ANKS1B: variants seen among roughly 807,000 people sequenced by gnomAD.
The protein encoded by ANKS1B is ankyrin repeat and sterile alpha motif domain-containing protein 1B.
A neutral mutation model predicts 148.3 loss-of-function variants in ANKS1B; 36 were observed. The ratio of observed to expected loss-of-function variants is 0.24; its 90% CI spans 0.19 to 0.32. The LOEUF is 0.32. ANKS1B is among the 10% of genes least tolerant of loss of function. The probability of loss-of-function intolerance (pLI) is 1.00; values close to 1 mark genes in which losing one functional copy is unlikely to be tolerated. For synonymous variants in ANKS1B, 542 were observed against 560.8 expected (o/e 0.97, Z 0.47); for missense variants, 1,157 against 1,542.6 (o/e 0.75, Z 4.19).
At chr12:99,919,338 T>C (rs941141805) in intron 1 of ANKS1B, among the ~76,000 whole-genome samples, 1 of 152,180 alleles carries the variant, frequency 6.6e-6, no homozygotes, top group Middle Eastern at 3.2e-3. Context: ...GCAAAGTGCC[T>C]AGTGTACCAT....
intron 12 of ANKS1B, among the ~76,000 whole-genome samples, chr12:99,323,951 G>A (rs183568921): frequency 6.6e-6 from 1 of 151,982 alleles, no homozygotes; most frequent in East Asian, 1.9e-4. Flanking sequence ...TGTTTTTTGA[G>A]GGCGATGTAC....
chr12:98,999,306 G>A (rs1262498508), intron 17 of ANKS1B, among the ~76,000 whole-genome samples: 1 of 152,216 alleles, frequency 6.6e-6, no homozygotes, highest in Non-Finnish European at 1.5e-5. Flanking sequence ...CTTGACCTTT[G>A]TATTCAATAT....
chr12:99,636,556 G>C (rs561005669), intron 9 of ANKS1B, among the ~76,000 whole-genome samples: 2 of 152,056 alleles, frequency 1.3e-5, no homozygotes, highest in Non-Finnish European at 2.9e-5. Flanking sequence ...TACACTGGAG[G>C]CCATTTTAAA....
intron 17 of ANKS1B, among the ~76,000 whole-genome samples, chr12:98,887,408 C>T (rs960148828): frequency 1.3e-5 from 2 of 152,070 alleles, no homozygotes; most frequent in South Asian, 2.1e-4. Context: ...TAAAAATACT[C>T]CATTTTCTTA....
At chr12:98,971,653 A>G (rs2153208106) in intron 17 of ANKS1B, among the ~76,000 whole-genome samples, 1 of 152,288 alleles carries the variant, frequency 6.6e-6, no homozygotes, top group African/African-American at 2.4e-5. Flanking sequence ...TACTTTGTAG[A>G]CAGAGGTGGC....
At chr12:99,066,948 C>G (rs1177879817) in intron 16 of ANKS1B, among the ~76,000 whole-genome samples, 1 of 152,072 alleles carries the variant, frequency 6.6e-6, no homozygotes, top group Non-Finnish European at 1.5e-5. Context: ...TTGCAGCAGT[C>G]TGTGCTCAGT....
At chr12:99,485,359 A>G (rs541532508) in intron 10 of ANKS1B, among the ~76,000 whole-genome samples, 14 of 152,154 alleles carry the variant, frequency 9.2e-5, no homozygotes, top group Middle Eastern at 3.4e-3. Context: ...CTGGCTTGTC[A>G]GGTTTCTGCT....
At chr12:99,729,691 C>G (rs2153565810) in intron 8 of ANKS1B, among the ~76,000 whole-genome samples, 1 of 152,210 alleles carries the variant, frequency 6.6e-6, no homozygotes, top group Admixed American at 6.5e-5. Context: ...TTTCTTGTTT[C>G]TTTTCACGCC....
chr12:99,691,261 GTCTCTGA>G (rs2098677913), intron 8 of ANKS1B, among the ~76,000 whole-genome samples: 1 of 152,162 alleles, frequency 6.6e-6, no homozygotes, highest in Non-Finnish European at 1.5e-5. Flanking sequence ...TTCTATGAAC[GTCTCTGA>G]TATGCCCTGG....
intron 9 of ANKS1B, among the ~76,000 whole-genome samples, chr12:99,605,745 T>C (rs1567458353): frequency 6.6e-6 from 1 of 152,164 alleles, no homozygotes; most frequent in African/African-American, 2.4e-5. Flanking sequence ...TTGATTGACA[T>C]TTCAGTTGAT....
chr12:99,417,300 G>C (rs1182254505), intron 11 of ANKS1B, among the ~76,000 whole-genome samples: 2 of 152,156 alleles, frequency 1.3e-5, no homozygotes, highest in African/African-American at 4.8e-5. Context: ...CCAGCACCAG[G>C]CTATCTTCCC....
chr12:98,758,612 T>A (rs1195902484), intron 25 of ANKS1B, among the ~76,000 whole-genome samples: 2 of 152,066 alleles, frequency 1.3e-5, no homozygotes, highest in Non-Finnish European at 2.9e-5. Flanking sequence ...AGGTAAAAGA[T>A]ACGAGGCAAC....
In ANKS1B at chr12:99,984,481, G is replaced by T; in HGVS notation, c.-244C>A. 1 of 410,738 alleles carries T rather than the reference G, an allele frequency of 2.4e-6. No individual in the cohort carries two copies. The highest frequency in any genetic ancestry group is 4.4e-6 in the Non-Finnish European group (1 of 228,260). 25.4% of individuals were successfully genotyped at this position (410,738 alleles called of 1,614,324 possible). A position where few individuals can be genotyped will look rare whatever the true frequency, so the allele number is the denominator to read the frequency against. On this transcript the variant is annotated 5_prime_UTR_variant, in exon 1 of 27. Coordinates refer to ENST00000683438, the MANE Select transcript of ANKS1B (RefSeq NM_001352186.2). ...AGGGGCTGGCCGAGCTGGGAGCCGC[G>T]ACGCGCCCCCACAGCCACTCCCCTG...
intron 18 of ANKS1B, among the ~76,000 whole-genome samples, chr12:98,830,621 T>C (rs750822812): frequency 3.3e-5 from 5 of 152,234 alleles, no homozygotes; most frequent in South Asian, 2.1e-4. Flanking sequence ...CTGCATTTCA[T>C]CACGATGGTT....
chr12:99,900,545 C>T (rs933994351), intron 1 of ANKS1B, among the ~76,000 whole-genome samples: 42 of 151,176 alleles, frequency 2.8e-4, no homozygotes, highest in African/African-American at 9.0e-4. Flanking sequence ...GAAGTAGCTC[C>T]TTGCACACAA....
At chr12:99,930,615 G>A (rs1238472551) in intron 1 of ANKS1B, among the ~76,000 whole-genome samples, 2 of 152,142 alleles carry the variant, frequency 1.3e-5, no homozygotes, top group Non-Finnish European at 2.9e-5. Context: ...CTGGCCATCA[G>A]AGAAATGCAA....
chr12:99,984,618 G>A lies in ANKS1B; in HGVS notation c.-381C>T, dbSNP rs887004456. On this transcript the variant is annotated 5_prime_UTR_variant, in exon 1 of 27. Coordinates refer to ENST00000683438, the MANE Select transcript of ANKS1B (RefSeq NM_001352186.2). Reference sequence around the variant, plus strand: ...GACTGAGGTCGGAGGAGGAGGAGGAGGCGGCAGAGAGAGTCCTAGCTGGAG... The same window carrying A: ...GACTGAGGTCGGAGGAGGAGGAGGAAGCGGCAGAGAGAGTCCTAGCTGGAG... The A allele has an allele frequency of 1.2e-5, 2 of 168,760 alleles. No homozygotes were observed. The highest frequency in any genetic ancestry group is 2.4e-5 in the African/African-American group (1 of 42,234). 10.5% of individuals were successfully genotyped at this position (168,760 alleles called of 1,614,324 possible). A position where few individuals can be genotyped will look rare whatever the true frequency, so the allele number is the denominator to read the frequency against.
chr12:99,034,490 AT>A (rs1453799178), intron 17 of ANKS1B, among the ~76,000 whole-genome samples: 8 of 151,954 alleles, frequency 5.3e-5, no homozygotes, highest in African/African-American at 9.7e-5. Flanking sequence ...TAGTTTTTGC[AT>A]TTTTTGTAGA....
chr12:99,949,494 A>G (rs780887904), intron 1 of ANKS1B, among the ~76,000 whole-genome samples: 1 of 152,212 alleles, frequency 6.6e-6, no homozygotes, highest in Non-Finnish European at 1.5e-5. Context: ...ATTGGGGTTA[A>G]TAAGTTACTG....
Sources: allele counts gnomAD v4.1 joint callset (sites outside exome capture counted in the v4.1 genomes callset), GRCh38; gene constraint gnomAD v4.1.1; transcripts MANE v1.5; gene names NCBI Gene and HGNC (gene_info 2026-07-23, HGNC 2026-07-21).